PARPBP: variants seen among roughly 807,000 people sequenced by gnomAD.
PARPBP encodes PCNA-interacting partner.
A neutral mutation model predicts 50.0 loss-of-function variants in PARPBP; 52 were observed. The observed-to-expected ratio is 1.04, with a 90% confidence interval of 0.83 to 1.31. PARPBP has a LOEUF of 1.31. PARPBP is among the 50% of genes most tolerant of loss of function. The pLI, the probability that PARPBP is intolerant of heterozygous loss-of-function variation, is 0.00. For missense variants in PARPBP, 697 were observed against 672.0 expected (o/e 1.04, Z -0.41); for synonymous variants, 244 against 232.1 (o/e 1.05, Z -0.47).
chr12:102,185,242 G>C (rs957952960), intron 9 of PARPBP, among the ~76,000 whole-genome samples: 3 of 152,158 alleles, frequency 2.0e-5, no homozygotes, highest in African/African-American at 7.2e-5. Flanking sequence ...ATCATGAAAG[G>C]GTGTTGAATT....
intron 9 of PARPBP, among the ~76,000 whole-genome samples, chr12:102,185,558 T>C (rs1890225415): frequency 6.6e-6 from 1 of 152,204 alleles, no homozygotes. Context: ...TCCTCATCTA[T>C]TTTTGGAATA....
chr12:102,168,635 T>G (rs1888390084), intron 6 of PARPBP, among the ~76,000 whole-genome samples: 1 of 152,166 alleles, frequency 6.6e-6, no homozygotes, highest in South Asian at 2.1e-4. Flanking sequence ...AAAGGGCAAT[T>G]GACCTGGTTT....
intron 9 of PARPBP, among the ~76,000 whole-genome samples, chr12:102,190,157 A>G (rs191271862): frequency 1.6e-4 from 24 of 152,266 alleles, no homozygotes; most frequent in African/African-American, 3.1e-4. Context: ...CAAGCATACA[A>G]TTATCGTGTG....
chr12:102,180,873 C>CA (rs1380612761), intron 8 of PARPBP, among the ~76,000 whole-genome samples: 1 of 152,138 alleles, frequency 6.6e-6, no homozygotes, highest in African/African-American at 2.4e-5. Context: ...AAATTAAGGA[C>CA]AATGAGGTAT....
intron 4 of PARPBP, among the ~76,000 whole-genome samples, chr12:102,162,380 G>A (rs56891648): frequency 0.032 from 4,838 of 152,224 alleles, 234 homozygotes; most frequent in African/African-American, 0.11. Context: ...TTTAGAATTC[G>A]TGAGTCTGTT....
rs1254263490 is a variant in PARPBP at position 102,195,426 on chromosome 12, T to A, written c.1378T>A (p.Tyr460Asn). The change falls in exon 10 of 11, where the codon TAC becomes AAC. Residue 460 changes from tyrosine (Y) to asparagine (N), a missense_variant. Tyr to Asn is a moderately radical substitution (Grantham distance 143). Coordinates refer to ENST00000327680, the MANE Select transcript of PARPBP (RefSeq NM_017915.5). ...AGCATCAAAGCCTTTGTGTGTTCTTTACATGGAAAATGACCTTTCTGGTAA... is the reference window on the plus strand; with the variant it reads ...AGCATCAAAGCCTTTGTGTGTTCTTAACATGGAAAATGACCTTTCTGGTAA... Reference protein sequence around the residue: ...NLASKPLCVLYMENDLSEGVN... With the variant: ...NLASKPLCVLNMENDLSEGVN... 1.3e-6 allele frequency: 2 copies of A among 1,592,830 alleles called. No individual in the cohort carries two copies. Among genetic ancestry groups the A allele is most frequent in the African/African-American group, 2.7e-5 (2 of 73,884 alleles).
intron 6 of PARPBP, among the ~76,000 whole-genome samples, chr12:102,167,157 C>T (rs1006789894): frequency 3.3e-5 from 5 of 152,104 alleles, no homozygotes; most frequent in African/African-American, 4.8e-5. Context: ...CCTCGTGAAA[C>T]AGTCTCTGCC....
At chr12:102,167,888 G>A (rs1402400802) in intron 6 of PARPBP, among the ~76,000 whole-genome samples, 1 of 152,094 alleles carries the variant, frequency 6.6e-6, no homozygotes, top group Non-Finnish European at 1.5e-5. Flanking sequence ...GGGTATAAGT[G>A]TTCCTTATGG....
chr12:102,151,634 C>T (rs1212341181), intron 3 of PARPBP: 1 of 1,535,646 alleles, frequency 6.5e-7, no homozygotes, highest in Admixed American at 2.0e-5. Context: ...GATCTCTTGG[C>T]TCCTGGGGAA....
At position 102,168,246 on chromosome 12, in the gene PARPBP, A is replaced by G. The variant is rs564967846; in HGVS notation, c.821+2363A>G. Among the ~76,000 whole-genome samples, 7 of 152,286 alleles carry G rather than the reference A, an allele frequency of 4.6e-5. No homozygotes were observed. In the East Asian group the frequency reaches 1.2e-3, roughly 25 times the overall value. On this transcript the variant is annotated intron_variant, in intron 6 of 10. Coordinates refer to ENST00000327680, the MANE Select transcript of PARPBP (RefSeq NM_017915.5). ...TGTTCAATCCAATATGGTTTGTTAT[A>G]ATTACATTCCTTTTGGAGGAATTTC...
intron 2 of PARPBP, among the ~76,000 whole-genome samples, chr12:102,127,720 G>A (rs568397615): frequency 1.3e-5 from 2 of 152,034 alleles, no homozygotes; most frequent in Admixed American, 6.6e-5. Context: ...AATAGCTTGG[G>A]TACATGTACA....
At chr12:102,178,352 T>C (rs1889487099) in intron 7 of PARPBP, among the ~76,000 whole-genome samples, 1 of 152,242 alleles carries the variant, frequency 6.6e-6, no homozygotes, top group African/African-American at 2.4e-5. Flanking sequence ...AATGTTATTT[T>C]GACCAGAACC....
chr12:102,167,390 T>C (rs1225552219), intron 6 of PARPBP, among the ~76,000 whole-genome samples: 1 of 152,130 alleles, frequency 6.6e-6, no homozygotes, highest in Admixed American at 6.6e-5. Context: ...TTTATCTAGA[T>C]TGGATGCTTT....
intron 3 of PARPBP, among the ~76,000 whole-genome samples, chr12:102,153,488 A>T (rs1484499201): frequency 6.6e-6 from 1 of 152,162 alleles, no homozygotes; most frequent in Non-Finnish European, 1.5e-5. Context: ...CTACAGGCAC[A>T]TGCCACCATG....
chr12:102,173,729 T>TCCA (rs1234214079), intron 6 of PARPBP, among the ~76,000 whole-genome samples: 2 of 151,876 alleles, frequency 1.3e-5, no homozygotes, highest in African/African-American at 4.8e-5. Flanking sequence ...CTTGCTGCTA[T>TCCA]CCCTGAGCTT....
Position 102,132,004 on chromosome 12 carries a change from G to T in PARPBP, c.153+7963G>T, listed in dbSNP as rs141035827. Among the ~76,000 whole-genome samples the T allele has an allele frequency of 5.7e-3, 863 of 152,294 alleles. 7 individuals carry two copies. Among genetic ancestry groups the T allele is most frequent in the African/African-American group, 0.019 (786 of 41,576 alleles). On this transcript the variant is annotated intron_variant, in intron 2 of 10. Transcript: ENST00000327680. ...AGATGGCCTGAGGTCGGGAGTTTGA[G>T]ACCAGCCTGGCCAACATGGTGAAAC...
chr12:102,146,898 G>A (rs915147554), intron 2 of PARPBP, among the ~76,000 whole-genome samples: 5 of 152,074 alleles, frequency 3.3e-5, no homozygotes, highest in African/African-American at 1.2e-4. Flanking sequence ...CCATCAAAAA[G>A]TGGGCAAAGG....
chr12:102,196,334 TTCACC>T lies in PARPBP; in HGVS notation c.*44_*48del. 2 of 1,233,946 alleles carry T rather than the reference TTCACC, an allele frequency of 1.6e-6. No individual in the cohort carries two copies. The highest frequency in any genetic ancestry group is 2.3e-6 in the Non-Finnish European group (2 of 877,836). 76.4% of individuals were successfully genotyped at this position (1,233,946 alleles called of 1,614,324 possible). On this transcript the variant is annotated 3_prime_UTR_variant, in exon 11 of 11. Transcript: ENST00000327680. ...TTTAGGTTTATGTATCTATAAACCA[TTCACC>T]AAAGACATGCTTAATTTTTAAGAGA... is the stretch of plus-strand genomic sequence containing the variant.
At chr12:102,175,208 C>G (rs895419192) in intron 6 of PARPBP, among the ~76,000 whole-genome samples, 1 of 152,170 alleles carries the variant, frequency 6.6e-6, no homozygotes, top group African/African-American at 2.4e-5. Context: ...ACAACCACTT[C>G]TGAACCTGTT....
Sources: allele counts gnomAD v4.1 joint callset (sites outside exome capture counted in the v4.1 genomes callset), GRCh38; gene constraint gnomAD v4.1.1; transcripts MANE v1.5; gene names NCBI Gene and HGNC (gene_info 2026-07-23, HGNC 2026-07-21).